PPFIA1: variants seen among roughly 807,000 people sequenced by gnomAD.
The protein encoded by PPFIA1 is PPFI scaffold protein A1.
In PPFIA1, 25 loss-of-function variants were observed where a neutral mutation model predicts 149.9. That is an observed-to-expected ratio of 0.17 (90% confidence interval 0.12 to 0.23). The LOEUF (loss-of-function observed/expected upper bound fraction) is 0.23, where lower values mean the gene tolerates loss of function less well. Ranked by LOEUF, PPFIA1 falls within the 10% of genes least tolerant of loss-of-function variation. The pLI is 1.00. For synonymous variants in PPFIA1, 549 were observed against 552.8 expected, an observed-to-expected ratio of 0.99 and a Z score of 0.10; for missense variants, 1,362 against 1,506.5, an observed-to-expected ratio of 0.90 and a Z score of 1.59.
At chr11:70,366,772 G>A (rs2056963996) in intron 21 of PPFIA1, among the ~76,000 whole-genome samples, 1 of 152,174 alleles carries the variant, frequency 6.6e-6, no homozygotes, top group Non-Finnish European at 1.5e-5. Context: ...ACGAGGTGAT[G>A]GTTGAAGCAG....
intron 15 of PPFIA1, among the ~76,000 whole-genome samples, chr11:70,344,479 C>T (rs2055557345): frequency 6.6e-6 from 1 of 152,230 alleles, no homozygotes; most frequent in Non-Finnish European, 1.5e-5. Flanking sequence ...TGCTTATCAA[C>T]CCTCTTCTGG....
chr11:70,354,428 A>G lies in PPFIA1; in HGVS notation c.2291A>G (p.His764Arg). 1 of 1,613,986 alleles carries G rather than the reference A, an allele frequency of 6.2e-7. No individual in the cohort carries two copies. The highest frequency in any genetic ancestry group is 1.1e-5 in the South Asian group (1 of 91,048). ...LHKGALHTVS[H>R]EDIRDIRNST... The stretch of plus-strand genomic sequence containing the variant: ...AAAGGGGCGCTGCACACCGTCAGCC[A>G]CGAGGACATCAGGGACATAAGGAAG... Residue 764 changes from histidine (H) to arginine (R), a missense_variant, in exon 17 of 28, where the codon CAC becomes CGC. His to Arg is a conservative substitution (Grantham distance 29). This residue lies in a region of PPFIA1 where 733 missense variants were observed against 744.1 expected (regional missense o/e 0.99). Transcript: ENST00000253925.
At chr11:70,302,496 G>T (rs928242296) in intron 2 of PPFIA1, among the ~76,000 whole-genome samples, 1 of 152,176 alleles carries the variant, frequency 6.6e-6, no homozygotes, top group African/African-American at 2.4e-5. Flanking sequence ...GCTGTGAGCT[G>T]GAGACAGGGC....
chr11:70,317,980 C>G (rs1260598579), intron 2 of PPFIA1, among the ~76,000 whole-genome samples: 3 of 152,134 alleles, frequency 2.0e-5, no homozygotes, highest in Non-Finnish European at 4.4e-5. Flanking sequence ...TGTCAGGATT[C>G]TTCATCTCCC....
Position 70,382,091 on chromosome 11 carries a change from A to C in PPFIA1, c.3554A>C (p.Asn1185Thr). 1.2e-6 allele frequency: 2 copies of C among 1,614,028 alleles called. No homozygotes were observed. The highest frequency in any genetic ancestry group is 1.7e-6 in the Non-Finnish European group (2 of 1,179,986). ...CCTCTCGTGGCTGTTGAAACAGGCAATGTATCAGGAACACAGAGGTTGGAT... is the reference window on the plus strand; with the variant it reads ...CCTCTCGTGGCTGTTGAAACAGGCACTGTATCAGGAACACAGAGGTTGGAT... The part of the protein sequence containing the change: ...MQPKKMQMDG[N>T]VSGTQRLDSA... Residue 1185 changes from asparagine (N) to threonine (T), a missense_variant, in exon 27 of 28, where the codon AAT becomes ACT. Coordinates refer to ENST00000253925, the MANE Select transcript of PPFIA1 (RefSeq NM_003626.5).
At position 70,348,262 on chromosome 11, in the gene PPFIA1, C is replaced by A. The variant is rs1181170553; in HGVS notation, c.2005C>A (p.Leu669Ile). Reference sequence around the variant, plus strand: ...TGAAAGTCGAGTTGGCAGTGGAAGTCTAGACAATCTTGGTCGTTTTAGATC... The same window carrying A: ...TGAAAGTCGAGTTGGCAGTGGAAGTATAGACAATCTTGGTCGTTTTAGATC... ...EIESRVGSGSLDNLGRFRSMS... is the reference protein window; with the variant it reads ...EIESRVGSGSIDNLGRFRSMS... Residue 669 changes from leucine to isoleucine, a missense_variant, in exon 16 of 28, where the codon CTA (leucine) becomes ATA (isoleucine). This residue lies in a region of PPFIA1 where 733 missense variants were observed against 744.1 expected (regional missense o/e 0.99). Coordinates refer to ENST00000253925, the MANE Select transcript of PPFIA1 (RefSeq NM_003626.5). The A allele has an allele frequency of 6.2e-7, 1 of 1,614,102 alleles. No homozygotes were observed. Among genetic ancestry groups the A allele is most frequent in the Non-Finnish European group, 8.5e-7 (1 of 1,180,046 alleles).
intron 2 of PPFIA1, among the ~76,000 whole-genome samples, chr11:70,291,915 G>A (rs1335743007): frequency 6.7e-6 from 1 of 150,106 alleles, no homozygotes; most frequent in Non-Finnish European, 1.5e-5. Flanking sequence ...TCGGCTCACG[G>A]CAACCTCCGC....
chr11:70,332,607 C>T (rs2054732987), intron 9 of PPFIA1, among the ~76,000 whole-genome samples: 1 of 152,134 alleles, frequency 6.6e-6, no homozygotes, highest in Non-Finnish European at 1.5e-5. Context: ...CAACTGTTGA[C>T]TAGGCATGTG....
chr11:70,350,663 T>A (rs1463818675), intron 16 of PPFIA1, among the ~76,000 whole-genome samples: 1 of 152,208 alleles, frequency 6.6e-6, no homozygotes, highest in African/African-American at 2.4e-5. Context: ...ACATGGATTT[T>A]ATTAAAGAAA....
Position 70,327,015 on chromosome 11 carries a change from TCCTGTC to T in PPFIA1, c.930+202_930+207del, listed in dbSNP as rs548163921. On this transcript the variant is annotated intron_variant, in intron 7 of 27. Coordinates refer to ENST00000253925, the MANE Select transcript of PPFIA1 (RefSeq NM_003626.5). ...ACCTCCCCATTTTTGTTGTGAAATC[TCCTGTC>T]CCTGAGCTCTTCAAAGTAGAGAACT... is the stretch of plus-strand genomic sequence containing the variant. 47 of 564,304 alleles carry T rather than the reference TCCTGTC, an allele frequency of 8.3e-5. No individual in the cohort carries two copies. In the South Asian group the frequency reaches 9.5e-4, roughly 11 times the overall value. 35.0% of individuals were successfully genotyped at this position (564,304 alleles called of 1,614,324 possible).
At chr11:70,365,623 A>G in intron 21 of PPFIA1, 1 of 355,540 alleles carries the variant, frequency 2.8e-6, no homozygotes, top group Non-Finnish European at 5.5e-6. Context: ...TTTTCCAGGA[A>G]CTTCAAGTTG....
chr11:70,272,062 G>T, intron 1 of PPFIA1, 111 bp from the exon 2 acceptor site: 1 of 1,192,238 alleles, frequency 8.4e-7, no homozygotes. Context: ...TAACAGATCT[G>T]AGCATAATGA....
At chr11:70,349,073 A>G (rs2055887609) in intron 16 of PPFIA1, among the ~76,000 whole-genome samples, 1 of 151,328 alleles carries the variant, frequency 6.6e-6, no homozygotes. Flanking sequence ...AAAATGCACA[A>G]AGTGGGTCAG....
In PPFIA1 at chr11:70,343,759, G is replaced by C. The variant is rs138338075; in HGVS notation, c.1798G>C (p.Val600Leu). The change falls in exon 15 of 28, where the codon GTG (valine) becomes CTG (leucine). Residue 600 changes from valine (V) to leucine (L), a missense_variant. Around this residue, in one of 7 missense-constraint regions of PPFIA1, gnomAD observed 733 missense variants for 744.1 expected, o/e 0.99. Transcript: ENST00000253925. ...VAQAFESDAD[V>L]SDGEDDRDTL... Reference sequence around the variant, plus strand: ...ACAAGCATTCGAGAGTGATGCTGACGTGTCTGATGGTGAAGATGACAGGGA... The same window carrying C: ...ACAAGCATTCGAGAGTGATGCTGACCTGTCTGATGGTGAAGATGACAGGGA... 5.6e-6 allele frequency: 9 copies of C among 1,614,240 alleles called. No individual in the cohort carries two copies. Among genetic ancestry groups the C allele is most frequent in the Non-Finnish European group, 7.6e-6 (9 of 1,180,042 alleles).
intron 7 of PPFIA1, 85 bp downstream of exon 7, chr11:70,326,903 C>A: frequency 9.1e-7 from 1 of 1,095,026 alleles, no homozygotes; most frequent in Non-Finnish European, 1.4e-6. Context: ...CTCTGTTTGT[C>A]TCTTACTCTC....
chr11:70,282,185 G>A (rs779451893), intron 2 of PPFIA1, among the ~76,000 whole-genome samples: 1 of 152,122 alleles, frequency 6.6e-6, no homozygotes, highest in Non-Finnish European at 1.5e-5. Flanking sequence ...TCCAATTCCC[G>A]TCTTGGCCAC....
At chr11:70,331,864 C>G (rs1181530679) in intron 8 of PPFIA1, 96 bp from the exon 9 acceptor site, 1 of 1,375,674 alleles carries the variant, frequency 7.3e-7, no homozygotes, top group Non-Finnish European at 9.8e-7. Flanking sequence ...TCATGACTCT[C>G]TTAGTCTGTA....
chr11:70,284,562 C>T (rs985733218), intron 2 of PPFIA1, among the ~76,000 whole-genome samples: 27 of 152,144 alleles, frequency 1.8e-4, no homozygotes, highest in East Asian at 3.9e-4. Flanking sequence ...GTGCAGGTTG[C>T]GAGACACATC....
chr11:70,371,294 G>A (rs1386797267), intron 21 of PPFIA1: 1 of 146 alleles, frequency 6.8e-3, no homozygotes, highest in Non-Finnish European at 0.017. Flanking sequence ...GTCTGTCTTT[G>A]AGAATATACT....
Sources: gnomAD v4.1 joint callset for allele counts (sites outside exome capture counted in the v4.1 genomes callset) on GRCh38, gnomAD v4.1.1 for gene constraint, gnomAD v4.1.1 regional missense constraint, MANE v1.5 for transcripts, NCBI Gene and HGNC (gene_info 2026-07-23, HGNC 2026-07-21) for gene names.